HOXD11: variants seen among roughly 807,000 people sequenced by gnomAD.
The protein encoded by HOXD11 is homeobox protein Hox-D11.
In HOXD11, 16 loss-of-function variants were observed where a neutral mutation model predicts 23.1. The ratio of observed to expected loss-of-function variants is 0.69; its 90% confidence interval spans 0.47 to 1.05. The LOEUF (loss-of-function observed/expected upper bound fraction) is 1.05. HOXD11 is among the 50% of genes least tolerant of loss of function. HOXD11 has a pLI of 0.00. For missense variants in HOXD11, 564 were observed against 495.6 expected (o/e 1.14, Z -1.31); for synonymous variants, 262 against 224.4 (o/e 1.17, Z -1.50).
chr2:176,107,288 C>T lies in HOXD11; in HGVS notation c.-68C>T. 1.9e-6 allele frequency: 3 copies of T among 1,554,732 alleles called. No homozygotes were observed. Among genetic ancestry groups the T allele is most frequent in the Non-Finnish European group, 2.6e-6 (3 of 1,148,960 alleles). On this transcript the variant is annotated 5_prime_UTR_variant, in exon 1 of 2. Transcript: ENST00000249504. Reference sequence around the variant, plus strand: ...TTGATCCTGGCCCAAGCCTCTTGTGCAATCGATGGCTCAGGTTGGCTGCGC... The same window carrying T: ...TTGATCCTGGCCCAAGCCTCTTGTGTAATCGATGGCTCAGGTTGGCTGCGC...
the HOXD11 span, among the ~76,000 whole-genome samples, chr2:176,115,186 C>T: frequency 2.0e-5 from 3 of 152,182 alleles, no homozygotes; most frequent in East Asian, 3.9e-4. Context: ...CTTTAATGAG[C>T]CGGACCACAA....
rs1313829465 is a variant in HOXD11, at chr2:176,107,999, C to T, written c.644C>T (p.Thr215Ile). Residue 215 changes from threonine (T) to isoleucine (I), a missense_variant, in exon 1 of 2, where the codon ACC becomes ATC. Physicochemically the swap from Thr to Ile is moderately conservative, Grantham distance 89. Transcript: ENST00000249504. ...GCAGCCGACAAGGGCGACCCCAGGA[C>T]CGGGGCTGGTGGCGGCGGGGGCAGT... The part of the protein sequence containing the change: ...EGAADKGDPR[T>I]GAGGGGGSPC... 6.7e-7 allele frequency: 1 copy of T among 1,483,264 alleles called. No individual in the cohort carries two copies. The highest frequency in any genetic ancestry group is 8.9e-7 in the Non-Finnish European group (1 of 1,122,230). The allele number at this position is 1,483,264 out of a possible 1,614,324, so 91.9% of individuals were successfully genotyped here.
chr2:176,110,253 A>C (rs957965622), downstream of HOXD11, among the ~76,000 whole-genome samples: 1 of 152,198 alleles, frequency 6.6e-6, no homozygotes, highest in Non-Finnish European at 1.5e-5. Flanking sequence ...GCTCTACTGC[A>C]CTTTATGTTG....
rs1689616625 is a variant in HOXD11, at chr2:176,108,225, A to ATAAAGCT, written c.781+90_781+91insAAAGCTT. The ATAAAGCT allele has an allele frequency of 6.3e-6, 5 of 799,850 alleles. No individual in the cohort carries two copies. The African/African-American group carries it at 9.4e-5, about 15-fold the overall frequency. The allele number at this position is 799,850 out of a possible 1,614,324, so 49.5% of individuals were successfully genotyped here. A position where few individuals can be genotyped will look rare whatever the true frequency, so the allele number is the denominator to read the frequency against. ...GGCCTCCCTCTGCTTGCGCCTTTTTATGTGCTACTTTATAAGCATTCGAAG... is the reference window on the plus strand; with the variant it reads ...GGCCTCCCTCTGCTTGCGCCTTTTTATAAAGCTTGTGCTACTTTATAAGCATTCGAAG... On this transcript the variant is annotated intron_variant, in intron 1 of 1. Transcript: ENST00000249504.
chr2:176,113,873 G>A (rs1689710533), downstream of HOXD11, among the ~76,000 whole-genome samples: 1 of 152,214 alleles, frequency 6.6e-6, no homozygotes, highest in African/African-American at 2.4e-5. Context: ...ACTGAAAGCT[G>A]AAATGGAAAG....
Position 176,107,626 on chromosome 2 carries a change from G to T in HOXD11, c.271G>T (p.Gly91Cys). ...CAGCGCGGGGGGCGGCAGCAGCGGG[G>T]GCGGCCCCGGCGGGGGCGGCGGCGG... is the stretch of plus-strand genomic sequence containing the variant. ...GGSAGGGSSG[G>C]GPGGGGGGAG... The change falls in exon 1 of 2, where the codon GGC becomes TGC. Residue 91 changes from glycine (G) to cysteine (C), a missense_variant. Gly to Cys is a radical substitution (Grantham distance 159, BLOSUM62 -3). Transcript: ENST00000249504. The T allele has an allele frequency of 1.0e-6, 1 of 999,862 alleles. No individual in the cohort carries two copies. Among genetic ancestry groups the T allele is most frequent in the South Asian group, 4.5e-5 (1 of 22,146 alleles). The allele number at this position is 999,862 out of a possible 1,614,324, so 61.9% of individuals were successfully genotyped here. A position where few individuals can be genotyped will look rare whatever the true frequency, so the allele number is the denominator to read the frequency against.
At chr2:176,114,345 G>C (rs1219494004), downstream of HOXD11, among the ~76,000 whole-genome samples, 1 of 152,006 alleles carries the variant, frequency 6.6e-6, no homozygotes, top group Non-Finnish European at 1.5e-5. Context: ...TGTTTTTCCG[G>C]CCATCCTCAA....
At chr2:176,113,452 C>A (rs1284885057), downstream of HOXD11, among the ~76,000 whole-genome samples, 1 of 152,114 alleles carries the variant, frequency 6.6e-6, no homozygotes, top group African/African-American at 2.4e-5. Context: ...CTTTATGGTG[C>A]AATATTGATT....
downstream of HOXD11, among the ~76,000 whole-genome samples, chr2:176,112,582 G>A (rs1346206041): frequency 6.6e-6 from 1 of 152,224 alleles, no homozygotes; most frequent in Non-Finnish European, 1.5e-5. Flanking sequence ...GAGTGGCGTG[G>A]GTGTTCCCCG....
At position 176,109,039 on chromosome 2, in the gene HOXD11, T is replaced by G; in HGVS notation, c.914T>G (p.Leu305Arg). The change falls in exon 2 of 2, where the codon CTC (leucine) becomes CGC (arginine). Residue 305 changes from leucine (L) to arginine (R), a missense_variant. Transcript: ENST00000249504. Reference protein sequence around the residue: ...KRLQLSRMLNLTDRQVKIWFQ... With the variant: ...KRLQLSRMLNRTDRQVKIWFQ... Reference sequence around the variant, plus strand: ...CTTCAACTCTCTCGGATGCTCAACCTCACTGACCGGCAAGTCAAAATCTGG... The same window carrying G: ...CTTCAACTCTCTCGGATGCTCAACCGCACTGACCGGCAAGTCAAAATCTGG... 1 of 1,614,026 alleles carries G rather than the reference T, an allele frequency of 6.2e-7. No individual in the cohort carries two copies.
At chr2:176,112,068 C>A (rs1185744037), downstream of HOXD11, among the ~76,000 whole-genome samples, 1 of 152,088 alleles carries the variant, frequency 6.6e-6, no homozygotes, top group Non-Finnish European at 1.5e-5. Flanking sequence ...GTTGGTGTGC[C>A]CAGGCCGGGC....
rs1423586214 is a variant in HOXD11, at chr2:176,109,049, G to A, written c.924G>A (p.Arg308=). Residue 308 remains arginine (R), a synonymous_variant, in exon 2 of 2, where the codon CGG becomes CGA. Transcript: ENST00000249504. ...CTCGGATGCTCAACCTCACTGACCG[G>A]CAAGTCAAAATCTGGTTCCAGAATC... ...QLSRMLNLTD[R]QVKIWFQNRR... 6.2e-7 allele frequency: 1 copy of A among 1,614,084 alleles called. No individual in the cohort carries two copies. The highest frequency in any genetic ancestry group is 2.2e-5 in the East Asian group (1 of 44,892).
chr2:176,107,890 G>C lies in HOXD11; in HGVS notation c.535G>C (p.Asp179His). Reference protein sequence around the residue: ...GRNGILPQGFDQFYEAAPGPP... With the variant: ...GRNGILPQGFHQFYEAAPGPP... The stretch of plus-strand genomic sequence containing the variant: ...CAATGGCATCTTGCCACAGGGCTTC[G>C]ACCAGTTCTACGAGGCAGCGCCCGG... The change falls in exon 1 of 2, where the codon GAC becomes CAC. Residue 179 changes from aspartate (D) to histidine (H), a missense_variant. Transcript: ENST00000249504. The C allele has an allele frequency of 6.9e-7, 1 of 1,455,150 alleles. No homozygotes were observed. Among genetic ancestry groups the C allele is most frequent in the East Asian group, 3.1e-5 (1 of 32,012 alleles). The allele number at this position is 1,455,150 out of a possible 1,614,324, so 90.1% of individuals were successfully genotyped here. A position where few individuals can be genotyped will look rare whatever the true frequency, so the allele number is the denominator to read the frequency against.
chr2:176,114,360 C>T (rs770090888), downstream of HOXD11, among the ~76,000 whole-genome samples: 3 of 152,156 alleles, frequency 2.0e-5, no homozygotes, highest in Non-Finnish European at 4.4e-5. Flanking sequence ...CCTCAACCCC[C>T]ACCCCCAAGC....
At position 176,109,754 on chromosome 2, in the gene HOXD11, G is replaced by T. The variant is rs1689649936; in HGVS notation, c.*612G>T. The T allele has an allele frequency of 5.6e-6, 1 of 179,956 alleles. No individual in the cohort carries two copies. The highest frequency in any genetic ancestry group is 2.4e-5 in the African/African-American group (1 of 42,458). The allele number at this position is 179,956 out of a possible 1,614,324, so 11.1% of individuals were successfully genotyped here. ...TGAAAATCGAATGAAATACTTTTTA[G>T]TCCCACTAAAATAGTAGTCGTACCC... On this transcript the variant is annotated 3_prime_UTR_variant, in exon 2 of 2. Coordinates refer to ENST00000249504, the MANE Select transcript of HOXD11 (RefSeq NM_021192.3).
Position 176,108,073 on chromosome 2 carries a change from G to A in HOXD11, c.718G>A (p.Gly240Ser). The change falls in exon 1 of 2, where the codon GGC becomes AGC. Residue 240 changes from glycine to serine, a missense_variant. Coordinates refer to ENST00000249504, the MANE Select transcript of HOXD11 (RefSeq NM_021192.3). ...PGSEPKGAAEGSGGDGEGPPG... is the reference protein window; with the variant it reads ...PGSEPKGAAESSGGDGEGPPG... ...CTCGGAGCCCAAGGGGGCAGCAGAA[G>A]GCAGCGGTGGCGACGGCGAGGGCCC... 2.0e-6 allele frequency: 3 copies of A among 1,478,502 alleles called. No homozygotes were observed. The highest frequency in any genetic ancestry group is 2.7e-6 in the Non-Finnish European group (3 of 1,121,470). 91.6% of individuals were successfully genotyped at this position (1,478,502 alleles called of 1,614,324 possible). A position where few individuals can be genotyped will look rare whatever the true frequency, so the allele number is the denominator to read the frequency against.
At position 176,108,246 on chromosome 2, in the gene HOXD11, C is replaced by A. The variant is rs1048719726; in HGVS notation, c.781+110C>A. 4 of 727,824 alleles carry A rather than the reference C, an allele frequency of 5.5e-6. No homozygotes were observed. The Admixed American group carries it at 1.2e-4, about 22-fold the overall frequency. 45.1% of individuals were successfully genotyped at this position (727,824 alleles called of 1,614,324 possible). A position where few individuals can be genotyped will look rare whatever the true frequency, so the allele number is the denominator to read the frequency against. On this transcript the variant is annotated intron_variant, in intron 1 of 1. Transcript: ENST00000249504. ...TTTTATGTGCTACTTTATAAGCATT[C>A]GAAGAGGTTTATACATCCTATAAGA... is the stretch of plus-strand genomic sequence containing the variant.
rs150078377 is a variant in HOXD11, at chr2:176,108,426, T to C, written c.781+290T>C. 5.3e-3 allele frequency among the ~76,000 whole-genome samples: 783 copies of C among 146,408 alleles called. 6 individuals carry two copies. Among genetic ancestry groups the C allele is most frequent in the African/African-American group, 0.019 (744 of 39,314 alleles). On this transcript the variant is annotated intron_variant, in intron 1 of 1. Transcript: ENST00000249504. ...CCATGGAGGGAGGGAGGGAGGGAGA[T>C]TTCAAGCCAGTGTGAGTGCATACAC...
At chr2:176,112,557 C>A (rs553899721), downstream of HOXD11, among the ~76,000 whole-genome samples, 1 of 152,232 alleles carries the variant, frequency 6.6e-6, no homozygotes, top group Admixed American at 6.5e-5. Context: ...GTGAGCCCCC[C>A]GGCGAGGCTC....
Sources: allele counts gnomAD v4.1 joint callset (sites outside exome capture counted in the v4.1 genomes callset), GRCh38; gene constraint gnomAD v4.1.1; transcripts MANE v1.5; gene names NCBI Gene and HGNC (gene_info 2026-07-23, HGNC 2026-07-21).